STPG2: variants seen among roughly 807,000 people sequenced by gnomAD.
The protein encoded by STPG2 is sperm tail PG-rich repeat containing 2.
STPG2 carries 56 observed loss-of-function variants against 54.2 expected under a neutral mutation model. That is an observed-to-expected ratio of 1.03 (90% CI 0.83 to 1.29). The LOEUF (loss-of-function observed/expected upper bound fraction) is 1.29, where lower values mean the gene tolerates loss of function less well. STPG2 is among the 50% of genes most tolerant of loss of function. The pLI, the probability that STPG2 is intolerant of heterozygous loss-of-function variation, is 0.00. For synonymous variants in STPG2, 200 were observed against 181.8 expected, an observed-to-expected ratio of 1.10 and a Z score of -0.81; for missense variants, 596 against 544.9, an observed-to-expected ratio of 1.09 and a Z score of -0.93.
chr4:97,512,235 T>C (rs543238862), intron 4 of STPG2, among the ~76,000 whole-genome samples: 1 of 152,000 alleles, frequency 6.6e-6, no homozygotes, highest in South Asian at 2.1e-4. Flanking sequence ...AACTAGAGGA[T>C]ATAAGAATGG....
intron 5 of STPG2, among the ~76,000 whole-genome samples, chr4:98,061,168 T>A (rs1737641496): frequency 6.6e-6 from 1 of 152,188 alleles, no homozygotes; most frequent in Non-Finnish European, 1.5e-5. Context: ...ATACTATGCA[T>A]CTGACAAAGG....
At chr4:97,740,634 A>G (rs1725193508) in intron 9 of STPG2, among the ~76,000 whole-genome samples, 1 of 152,174 alleles carries the variant, frequency 6.6e-6, no homozygotes, top group South Asian at 2.1e-4. Flanking sequence ...AGAATAAAAT[A>G]CCTAGGAATC....
chr4:98,078,827 A>C (rs1456589788), intron 5 of STPG2, among the ~76,000 whole-genome samples: 1 of 152,196 alleles, frequency 6.6e-6, no homozygotes, highest in Non-Finnish European at 1.5e-5. Context: ...CTGATTATAT[A>C]TACATATGTC....
chr4:98,130,661 A>G (rs1739960520), intron 2 of STPG2, among the ~76,000 whole-genome samples: 2 of 151,902 alleles, frequency 1.3e-5, no homozygotes, highest in South Asian at 4.2e-4. Flanking sequence ...AGTGGCTCAC[A>G]CCTGTAATCC....
chr4:97,973,835 G>T (rs1400933938), intron 6 of STPG2, among the ~76,000 whole-genome samples: 1 of 152,236 alleles, frequency 6.6e-6, no homozygotes, highest in Non-Finnish European at 1.5e-5. Flanking sequence ...TGCTGCAGGG[G>T]TGGGGCCTTT....
intron 4 of STPG2, among the ~76,000 whole-genome samples, chr4:97,509,086 C>T (rs772980477): frequency 3.9e-5 from 6 of 152,210 alleles, no homozygotes; most frequent in African/African-American, 4.8e-5. Context: ...TCTACAGCAT[C>T]GCCTTCACTG....
intron 4 of STPG2, among the ~76,000 whole-genome samples, chr4:97,456,740 C>T (rs1251290474): frequency 6.6e-6 from 1 of 150,872 alleles, no homozygotes; most frequent in Non-Finnish European, 1.5e-5. Flanking sequence ...CTAAAAAATA[C>T]AAAAAATTAG....
chr4:97,941,643 A>G (rs1732989197), intron 8 of STPG2, among the ~76,000 whole-genome samples: 1 of 152,100 alleles, frequency 6.6e-6, no homozygotes, highest in African/African-American at 2.4e-5. Context: ...AAATTAAGCT[A>G]TCAAATCATC....
intron 4 of STPG2, among the ~76,000 whole-genome samples, chr4:97,465,930 T>G (rs762320002): frequency 6.6e-6 from 1 of 152,060 alleles, no homozygotes; most frequent in Non-Finnish European, 1.5e-5. Flanking sequence ...TACATGTGTT[T>G]ATTCTTCCTT....
intron 5 of STPG2, among the ~76,000 whole-genome samples, chr4:98,079,651 T>C (rs1050784252): frequency 2.0e-5 from 3 of 152,200 alleles, no homozygotes; most frequent in Non-Finnish European, 2.9e-5. Flanking sequence ...CTAGCATTTT[T>C]GAGAAATTAA....
chr4:97,740,512 A>T (rs1159171623), intron 9 of STPG2, among the ~76,000 whole-genome samples: 8 of 152,176 alleles, frequency 5.3e-5, no homozygotes, highest in Non-Finnish European at 1.0e-4. Flanking sequence ...ACTTCAGCAA[A>T]GTCTCAGGAT....
intron 8 of STPG2, among the ~76,000 whole-genome samples, chr4:97,922,260 C>CAT (rs143256508): frequency 1.8e-3 from 270 of 150,710 alleles, no homozygotes; most frequent in Middle Eastern, 6.8e-3. Flanking sequence ...CATTGTATGT[C>CAT]ATATATATAT....
At chr4:97,739,148 A>C (rs1725128486) in intron 9 of STPG2, among the ~76,000 whole-genome samples, 1 of 151,564 alleles carries the variant, frequency 6.6e-6, no homozygotes, top group African/African-American at 2.4e-5. Context: ...AGAAATCAAG[A>C]TGTTCTTTGA....
At chr4:97,447,001 G>A (rs900565313) in intron 4 of STPG2, among the ~76,000 whole-genome samples, 1 of 152,192 alleles carries the variant, frequency 6.6e-6, no homozygotes, top group Non-Finnish European at 1.5e-5. Flanking sequence ...AAGAAGATAG[G>A]AAGATGAGGA....
At chr4:97,703,540 A>G (rs953990868) in intron 10 of STPG2, among the ~76,000 whole-genome samples, 2 of 139,496 alleles carry the variant, frequency 1.4e-5, no homozygotes, top group African/African-American at 5.2e-5. Context: ...ATAAGTCTAT[A>G]TACTATAATA....
chr4:97,544,556 C>G (rs1731794022), intron 4 of STPG2, among the ~76,000 whole-genome samples: 1 of 151,776 alleles, frequency 6.6e-6, no homozygotes, highest in Non-Finnish European at 1.5e-5. Context: ...TTAGAGCAAT[C>G]CAGTAAAGAA....
chr4:97,589,661 A>T (rs993068955), intron 10 of STPG2, among the ~76,000 whole-genome samples: 1 of 152,176 alleles, frequency 6.6e-6, no homozygotes, highest in Non-Finnish European at 1.5e-5. Flanking sequence ...CAAATGCACC[A>T]TAGGCAATAT....
intron 8 of STPG2, among the ~76,000 whole-genome samples, chr4:97,879,974 T>C (rs1410268035): frequency 9.9e-5 from 15 of 152,146 alleles, no homozygotes; most frequent in Admixed American, 9.8e-4. Context: ...ACTGAAATGG[T>C]TATGTTGAAG....
intron 10 of STPG2, among the ~76,000 whole-genome samples, chr4:97,607,005 ATATAAT>A (rs756141649): frequency 2.6e-5 from 4 of 152,064 alleles, no homozygotes; most frequent in Admixed American, 1.3e-4. Flanking sequence ...TAAAACTAAG[ATATAAT>A]TATAACTTAA....
Sources: allele counts gnomAD v4.1 joint callset (sites outside exome capture counted in the v4.1 genomes callset), GRCh38; gene constraint gnomAD v4.1.1; transcripts MANE v1.5; gene names NCBI Gene and HGNC (gene_info 2026-07-23, HGNC 2026-07-21).